ZNF613: variants seen among roughly 807,000 people sequenced by gnomAD.
The protein encoded by ZNF613 is zinc finger protein 613.
Under a neutral mutation model 14.3 loss-of-function variants are expected in ZNF613, and 8 were observed. That is an observed-to-expected ratio of 0.56 (90% CI 0.33 to 1.01). The LOEUF is 1.01. Among genes scored for constraint, ZNF613 ranks in the 50% least tolerant of loss-of-function variants. ZNF613 has a pLI of 0.03. For missense variants in ZNF613, 656 were observed against 741.9 expected, an observed-to-expected ratio of 0.88 and a Z score of 1.35; for synonymous variants, 228 against 254.5, an observed-to-expected ratio of 0.90 and a Z score of 0.99.
In ZNF613 at chr19:51,945,833, G is replaced by A. The variant is rs1226974193; in HGVS notation, c.*96G>A. 7.1e-7 allele frequency: 1 copy of A among 1,403,296 alleles called. No homozygotes were observed. Among genetic ancestry groups the A allele is most frequent in the South Asian group, 1.3e-5 (1 of 79,848 alleles). 86.9% of individuals were successfully genotyped at this position (1,403,296 alleles called of 1,614,324 possible). ...AGAGGAACAAACTGATATATTCAAGGTGGAAAGCCCTTGAATAAAACCTTA... is the reference window on the plus strand; with the variant it reads ...AGAGGAACAAACTGATATATTCAAGATGGAAAGCCCTTGAATAAAACCTTA... On this transcript the variant is annotated 3_prime_UTR_variant, in exon 6 of 6. Coordinates refer to ENST00000293471, the MANE Select transcript of ZNF613 (RefSeq NM_001031721.4).
rs2085402097 is a variant in ZNF613, at chr19:51,946,425, T to C, written c.*688T>C. The C allele has an allele frequency of 6.6e-6, 1 of 152,280 alleles. No individual in the cohort carries two copies. The highest frequency in any genetic ancestry group is 6.5e-5 in the Admixed American group (1 of 15,286). 9.4% of individuals were successfully genotyped at this position (152,280 alleles called of 1,614,324 possible). A position where few individuals can be genotyped will look rare whatever the true frequency, so the allele number is the denominator to read the frequency against. ...TCCCCCTTTTTTGATAAGAGTCTTC[T>C]ATTCCCAACCAAGATCATTATATGA... On this transcript the variant is annotated 3_prime_UTR_variant, in exon 6 of 6. Coordinates refer to ENST00000293471, the MANE Select transcript of ZNF613 (RefSeq NM_001031721.4).
intron 3 of ZNF613, among the ~76,000 whole-genome samples, chr19:51,936,869 A>T (rs2085309121): frequency 6.6e-6 from 1 of 152,162 alleles, no homozygotes; most frequent in Non-Finnish European, 1.5e-5. Flanking sequence ...ACAAGCCTTG[A>T]TTAGAAGCTT....
At chr19:51,940,078 T>C (rs1411146121) in intron 3 of ZNF613, 131 bp from the exon 4 acceptor site, 30 of 1,205,342 alleles carry the variant, frequency 2.5e-5, no homozygotes, top group Non-Finnish European at 3.5e-5. Flanking sequence ...CAATGTATTT[T>C]TTTAAAAATC....
chr19:51,934,744 G>A (rs974558763), intron 2 of ZNF613, among the ~76,000 whole-genome samples: 1 of 152,128 alleles, frequency 6.6e-6, no homozygotes, highest in Non-Finnish European at 1.5e-5. Context: ...CAAAAATGAA[G>A]TAGAAGCTCT....
At position 51,936,134 on chromosome 19, in the gene ZNF613, A is replaced by T; in HGVS notation, c.-87A>T. The T allele has an allele frequency of 6.9e-7, 1 of 1,442,006 alleles. No homozygotes were observed. Among genetic ancestry groups the T allele is most frequent in the South Asian group, 1.4e-5 (1 of 73,694 alleles). The allele number at this position is 1,442,006 out of a possible 1,614,324, so 89.3% of individuals were successfully genotyped here. ...GGGATGTAATTCACCAGAGACCAAGATTTCTAGCCAGAAATTGAGGGCAGC... is the reference window on the plus strand; with the variant it reads ...GGGATGTAATTCACCAGAGACCAAGTTTTCTAGCCAGAAATTGAGGGCAGC... On this transcript the variant is annotated 5_prime_UTR_variant, in exon 3 of 6. Coordinates refer to ENST00000293471, the MANE Select transcript of ZNF613 (RefSeq NM_001031721.4).
chr19:51,930,927 C>T lies in ZNF613; in HGVS notation c.-194+1031C>T, dbSNP rs181445170. On this transcript the variant is annotated intron_variant, in intron 2 of 5. Coordinates refer to ENST00000293471, the MANE Select transcript of ZNF613 (RefSeq NM_001031721.4). ...CATTGCCACCATGTACCTACCAACA[C>T]TTGTTATTTTTAGTTTTTTATTACA... 1.1e-3 allele frequency among the ~76,000 whole-genome samples: 163 copies of T among 152,238 alleles called. 1 individual carries two copies. Among genetic ancestry groups the T allele is most frequent in the East Asian group, 7.7e-4 (4 of 5,188 alleles).
At chr19:51,940,065 T>C (rs894173457) in intron 3 of ZNF613, 144 bp from the exon 4 acceptor site, 1 of 1,036,926 alleles carries the variant, frequency 9.6e-7, no homozygotes, top group Non-Finnish European at 1.4e-6. Context: ...TTTGCCTCTA[T>C]GACAATGTAT....
At position 51,945,311 on chromosome 19, in the gene ZNF613, A is replaced by T. The variant is rs2085389476; in HGVS notation, c.1428A>T (p.Arg476Ser). 1 of 1,613,982 alleles carries T rather than the reference A, an allele frequency of 6.2e-7. No individual in the cohort carries two copies. ...SHKSGLINHQ[R>S]IHTGEKPYTC... ...AGTCAGGTCTCATTAACCACCAGAG[A>T]ATTCACACAGGAGAGAAACCCTATA... Residue 476 changes from arginine (R) to serine (S), a missense_variant, in exon 6 of 6, where the codon AGA becomes AGT. Coordinates refer to ENST00000293471, the MANE Select transcript of ZNF613 (RefSeq NM_001031721.4).
chr19:51,939,672 G>A (rs913275647), intron 3 of ZNF613, among the ~76,000 whole-genome samples: 1 of 152,132 alleles, frequency 6.6e-6, no homozygotes, highest in Non-Finnish European at 1.5e-5. Flanking sequence ...GCAGTAGGGG[G>A]TAATAATACT....
chr19:51,940,591 A>G (rs1480614535), intron 4 of ZNF613, 26 bp from the exon 5 acceptor site: 1 of 1,600,368 alleles, frequency 6.2e-7, no homozygotes, highest in Non-Finnish European at 8.5e-7. Context: ...AATGAGCCTA[A>G]GTTGTGTATC....
chr19:51,935,466 T>C (rs1487584617), intron 2 of ZNF613, among the ~76,000 whole-genome samples: 1 of 152,222 alleles, frequency 6.6e-6, no homozygotes, highest in Non-Finnish European at 1.5e-5. Context: ...TTGGACAATA[T>C]AGTCAAATCT....
intron 5 of ZNF613, among the ~76,000 whole-genome samples, chr19:51,943,881 A>G (rs1223138163): frequency 2.0e-5 from 3 of 152,258 alleles, no homozygotes; most frequent in Non-Finnish European, 2.9e-5. Context: ...CCGAGCAGGA[A>G]TTAACTTGCC....
Position 51,945,248 on chromosome 19 carries a change from CT to C in ZNF613, c.1368del (p.Phe456LeufsTer86), listed in dbSNP as rs771558906. ...HQRFHTGKTP[F>X]VCTECGKSCS... The stretch of plus-strand genomic sequence containing the variant: ...AGAGATTTCACACAGGAAAGACACC[CT>C]TTGTATGTACTGAGTGTGGAAAATC... On this transcript the variant is annotated frameshift_variant, in exon 6 of 6. Coordinates refer to ENST00000293471, the MANE Select transcript of ZNF613 (RefSeq NM_001031721.4). LOFTEE classifies it low-confidence loss of function (END_TRUNC). The C allele has an allele frequency of 1.2e-6, 2 of 1,614,030 alleles. No homozygotes were observed. The highest frequency in any genetic ancestry group is 1.7e-5 in the Admixed American group (1 of 59,996).
rs763505542 is a variant in ZNF613 at position 51,944,543 on chromosome 19, C to G, written c.660C>G (p.Ile220Met). ...GKAFLKKSRL[I>M]YHQRVHTGEK... ...CTTTCCTCAAGAAGTCTCGCCTCAT[C>G]TATCATCAGAGAGTTCACACTGGGG... Residue 220 changes from isoleucine to methionine, a missense_variant, in exon 6 of 6, where the codon ATC (isoleucine) becomes ATG (methionine). By Grantham distance (10) the Ile-to-Met change is conservative. Coordinates refer to ENST00000293471, the MANE Select transcript of ZNF613 (RefSeq NM_001031721.4). 2.5e-6 allele frequency: 4 copies of G among 1,613,812 alleles called. No homozygotes were observed. The highest frequency in any genetic ancestry group is 2.7e-5 in the African/African-American group (2 of 74,904).
At position 51,940,469 on chromosome 19, in the gene ZNF613, A is replaced by G. The variant is rs77614298; in HGVS notation, c.142+134A>G. The stretch of plus-strand genomic sequence containing the variant: ...TGTACCCTCTCTGGCCCCAGATAAA[A>G]GAGTGTAATGTGCCCCCTTTAGAGG... On this transcript the variant is annotated intron_variant, in intron 4 of 5. Transcript: ENST00000293471. 2,080 of 1,532,960 alleles carry G rather than the reference A, an allele frequency of 1.4e-3. 25 individuals carry two copies. The African/African-American group carries it at 0.026, about 19-fold the overall frequency. The allele number at this position is 1,532,960 out of a possible 1,614,324, so 95.0% of individuals were successfully genotyped here. A position where few individuals can be genotyped will look rare whatever the true frequency, so the allele number is the denominator to read the frequency against.
chr19:51,935,052 G>A (rs997454661), intron 2 of ZNF613, among the ~76,000 whole-genome samples: 4 of 152,130 alleles, frequency 2.6e-5, no homozygotes, highest in South Asian at 4.1e-4. Context: ...GAGGGCCACC[G>A]GGAGCTTGTC....
chr19:51,936,022 C>T lies in ZNF613; in HGVS notation c.-193-6C>T. On this transcript the variant is annotated splice_region_variant and splice_polypyrimidine_tract_variant and intron_variant, in intron 2 of 5. Transcript: ENST00000293471. ...GAATGTACACTCAAATCAATTTACT[C>T]TTCAGCCCACAGGTCCTGACTTCAG... is the stretch of plus-strand genomic sequence containing the variant. 1 of 468,004 alleles carries T rather than the reference C, an allele frequency of 2.1e-6. No homozygotes were observed. The highest frequency in any genetic ancestry group is 5.0e-5 in the South Asian group (1 of 20,060). The allele number at this position is 468,004 out of a possible 1,614,324, so 29.0% of individuals were successfully genotyped here.
At chr19:51,942,484 C>T (rs7259622) in intron 5 of ZNF613, among the ~76,000 whole-genome samples, 24,785 of 151,924 alleles carry the variant, frequency 0.16, 2,628 homozygotes, top group African/African-American at 0.3. Context: ...AATACGTCCC[C>T]CTGGTGAATT....
Position 51,944,711 on chromosome 19 carries a change from T to G in ZNF613, c.828T>G (p.Asn276Lys), listed in dbSNP as rs2085379938. The change falls in exon 6 of 6, where the codon AAT (asparagine) becomes AAG (lysine). Residue 276 changes from asparagine (N) to lysine (K), a missense_variant. Asn to Lys is a moderately conservative substitution (Grantham distance 94). Transcript: ENST00000293471. ...CATTCCGCTGGAAATCACAGCTCAA[T>G]GCACACCAGAAAATTCATACAGGAG... ...DKAFRWKSQL[N>K]AHQKIHTGEK... 3.7e-6 allele frequency: 6 copies of G among 1,613,462 alleles called. No individual in the cohort carries two copies. The highest frequency in any genetic ancestry group is 2.7e-5 in the African/African-American group (2 of 74,706).
Sources: allele counts gnomAD v4.1 joint callset (sites outside exome capture counted in the v4.1 genomes callset), GRCh38; gene constraint gnomAD v4.1.1; transcripts MANE v1.5; gene names NCBI Gene and HGNC (gene_info 2026-07-23, HGNC 2026-07-21).